Variants in CAB39L observed in about 807,000 individuals in gnomAD.
CAB39L encodes calcium-binding protein 39-like.
A neutral mutation model predicts 39.1 loss-of-function variants in CAB39L; 23 were observed. The ratio of observed to expected loss-of-function variants is 0.59; its 90% CI spans 0.42 to 0.83. The LOEUF is 0.83. Among genes scored for constraint, CAB39L ranks in the 40% least tolerant of loss-of-function variants. CAB39L has a pLI of 0.00. For synonymous variants in CAB39L, 126 were observed against 137.2 expected, an observed-to-expected ratio of 0.92 and a Z score of 0.57; for missense variants, 366 against 391.9, an observed-to-expected ratio of 0.93 and a Z score of 0.56.
In CAB39L at chr13:49,336,861, C is replaced by G. The variant is rs557952104; in HGVS notation, c.690+2816G>C. The stretch of plus-strand genomic sequence containing the variant: ...CTTATCTTCATCTGCTCTTAGCAAG[C>G]TTTCTGGACATGGGAGAACACAGCG... On this transcript the variant is annotated intron_variant, in intron 9 of 10. Coordinates refer to ENST00000409308, the MANE Select transcript of CAB39L (RefSeq NM_001079670.3). 1.4e-4 allele frequency among the ~76,000 whole-genome samples: 22 copies of G among 152,336 alleles called. No individual in the cohort carries two copies. The South Asian group carries it at 4.6e-3, about 32-fold the overall frequency.
intron 3 of CAB39L, among the ~76,000 whole-genome samples, chr13:49,386,597 T>C (rs1004623123): frequency 2.0e-5 from 3 of 152,230 alleles, no homozygotes; most frequent in Admixed American, 6.5e-5. Context: ...ATAAGTATAA[T>C]ATGATTAGTT....
At chr13:49,362,936 T>A (rs1955673356) in intron 5 of CAB39L, among the ~76,000 whole-genome samples, 1 of 151,908 alleles carries the variant, frequency 6.6e-6, no homozygotes, top group Non-Finnish European at 1.5e-5. Flanking sequence ...CAGGAGAGAG[T>A]GGCATGACAT....
At chr13:49,442,898 T>C (rs902285120) in intron 1 of CAB39L, among the ~76,000 whole-genome samples, 1 of 151,898 alleles carries the variant, frequency 6.6e-6, no homozygotes, top group Non-Finnish European at 1.5e-5. Context: ...TTGATTAGGT[T>C]GTTCATCAGT....
chr13:49,344,118 A>G, intron 8 of CAB39L, 61 bp downstream of exon 8: 1 of 970,190 alleles, frequency 1.0e-6, no homozygotes, highest in East Asian at 2.4e-5. Flanking sequence ...GCAATTGCTC[A>G]TAGATCTAAA....
At chr13:49,353,277 TG>T (rs1250091373) in intron 6 of CAB39L, among the ~76,000 whole-genome samples, 1 of 152,170 alleles carries the variant, frequency 6.6e-6, no homozygotes, top group Non-Finnish European at 1.5e-5. Flanking sequence ...TTATTAAAGA[TG>T]TTGTAAAGAG....
At chr13:49,439,558 A>T (rs1011221919) in intron 1 of CAB39L, among the ~76,000 whole-genome samples, 89 of 152,336 alleles carry the variant, frequency 5.8e-4, no homozygotes, top group African/African-American at 2.0e-3. Flanking sequence ...TGAACATATG[A>T]GTGCATGTAT....
chr13:49,335,867 A>ATTCT (rs1314982008), intron 9 of CAB39L, among the ~76,000 whole-genome samples: 1 of 152,212 alleles, frequency 6.6e-6, no homozygotes, highest in Non-Finnish European at 1.5e-5. Flanking sequence ...TATGATTAAT[A>ATTCT]AAAGGCAGCA....
chr13:49,329,464 T>C (rs1403839589), intron 10 of CAB39L, among the ~76,000 whole-genome samples: 1 of 148,238 alleles, frequency 6.7e-6, no homozygotes, highest in Non-Finnish European at 1.5e-5. Context: ...TCCTGAGGGG[T>C]GGCTGCTCAG....
At chr13:49,370,441 A>G (rs1322289291) in intron 5 of CAB39L, among the ~76,000 whole-genome samples, 1 of 152,144 alleles carries the variant, frequency 6.6e-6, no homozygotes, top group Non-Finnish European at 1.5e-5. Flanking sequence ...TGCATTTACT[A>G]TCTTTAGCAC....
chr13:49,344,130 G>A (rs943512855), intron 8 of CAB39L, 49 bp downstream of exon 8: 2 of 1,091,096 alleles, frequency 1.8e-6, no homozygotes, highest in Non-Finnish European at 2.8e-6. Context: ...AGATCTAAAA[G>A]GGAGGGAGAG....
chr13:49,364,118 A>T (rs1266636085), intron 5 of CAB39L, among the ~76,000 whole-genome samples: 1 of 152,208 alleles, frequency 6.6e-6, no homozygotes, highest in Non-Finnish European at 1.5e-5. Context: ...CAGCAAGAGG[A>T]TTTAACAATT....
intron 7 of CAB39L, among the ~76,000 whole-genome samples, chr13:49,347,112 T>C (rs753645748): frequency 3.9e-5 from 6 of 152,102 alleles, no homozygotes; most frequent in Non-Finnish European, 5.9e-5. Context: ...AAAAAAGTGA[T>C]TTATGGTCAT....
At chr13:49,375,797 T>TA (rs1332231542) in intron 5 of CAB39L, among the ~76,000 whole-genome samples, 1 of 108,064 alleles carries the variant, frequency 9.3e-6, no homozygotes, top group East Asian at 2.1e-4. Context: ...AAGTATAATT[T>TA]AAAAAAATTG....
At chr13:49,331,890 T>G (rs1314942128) in intron 10 of CAB39L, 57 bp downstream of exon 10, 39 of 1,561,632 alleles carry the variant, frequency 2.5e-5, no homozygotes, top group Admixed American at 5.1e-5. Flanking sequence ...GAGTTTGCCA[T>G]TTGGAACTGG....
At position 49,391,480 on chromosome 13, in the gene CAB39L, T is replaced by C. The variant is rs529397635; in HGVS notation, c.-31-8539A>G. 1.5e-3 allele frequency among the ~76,000 whole-genome samples: 225 copies of C among 152,318 alleles called. 3 individuals are homozygous for C. The highest frequency in any genetic ancestry group is 8.3e-3 in the South Asian group (40 of 4,832). ...GACTGCTAAAAATGTATTCCTGAAGTATTTTGATAGAGGCAAAATGTTTTT... is the reference window on the plus strand; with the variant it reads ...GACTGCTAAAAATGTATTCCTGAAGCATTTTGATAGAGGCAAAATGTTTTT... On this transcript the variant is annotated intron_variant, in intron 3 of 10. Coordinates refer to ENST00000409308, the MANE Select transcript of CAB39L (RefSeq NM_001079670.3).
chr13:49,409,281 A>G (rs1180290793), intron 3 of CAB39L, among the ~76,000 whole-genome samples: 4 of 152,140 alleles, frequency 2.6e-5, no homozygotes, highest in South Asian at 2.1e-4. Flanking sequence ...AGAACACTGT[A>G]TGGGAGATTG....
chr13:49,360,431 A>G (rs1239817709), intron 5 of CAB39L, among the ~76,000 whole-genome samples: 3 of 152,220 alleles, frequency 2.0e-5, no homozygotes, highest in Non-Finnish European at 2.9e-5. Context: ...GGAACAGAAG[A>G]GATCACCGAA....
intron 3 of CAB39L, among the ~76,000 whole-genome samples, chr13:49,415,242 C>A (rs971720170): frequency 6.6e-6 from 1 of 150,832 alleles, no homozygotes; most frequent in African/African-American, 2.4e-5. Flanking sequence ...TGTGGCCAGG[C>A]GCGGTGGCTC....
In CAB39L at chr13:49,338,954, A is replaced by T. The variant is rs571655645; in HGVS notation, c.690+723T>A. On this transcript the variant is annotated intron_variant, in intron 9 of 10. Coordinates refer to ENST00000409308, the MANE Select transcript of CAB39L (RefSeq NM_001079670.3). ...AATTCTTTAGGAAAATATGTTACAA[A>T]TCTGGGAGATAAATGCTTCCCATAA... 1.6e-3 allele frequency among the ~76,000 whole-genome samples: 238 copies of T among 152,230 alleles called. 1 individual carries two copies. The highest frequency in any genetic ancestry group is 5.4e-3 in the African/African-American group (224 of 41,542).
Sources: allele counts gnomAD v4.1 joint callset (sites outside exome capture counted in the v4.1 genomes callset), GRCh38; gene constraint gnomAD v4.1.1; transcripts MANE v1.5; gene names NCBI Gene and HGNC (gene_info 2026-07-23, HGNC 2026-07-21).